Variants in RIF1 observed in about 807,000 individuals in gnomAD.
The protein encoded by RIF1 is replication timing regulatory factor 1.
RIF1 carries 45 observed loss-of-function variants against 247.1 expected under a neutral mutation model. The observed-to-expected ratio is 0.18, with a 90% CI of 0.14 to 0.23. The LOEUF is 0.23. Ranked by LOEUF, RIF1 falls within the 10% of genes least tolerant of loss-of-function variation. RIF1 has a pLI of 1.00. For synonymous variants in RIF1, 1,087 were observed against 978.8 expected, an observed-to-expected ratio of 1.11 and a Z score of -2.06; for missense variants, 2,967 against 2,862.5, an observed-to-expected ratio of 1.04 and a Z score of -0.83.
chr2:151,526,586 G>A, the RIF1 span, among the ~76,000 whole-genome samples: 3 of 152,186 alleles, frequency 2.0e-5, no homozygotes, highest in Non-Finnish European at 4.4e-5. Context: ...GGAGGAAACT[G>A]TAGTGAAGGG....
intron 15 of RIF1, 34 bp from the exon 16 acceptor site, chr2:151,441,871 G>T (rs1692351517): frequency 2.0e-6 from 2 of 987,228 alleles, no homozygotes; most frequent in South Asian, 1.5e-5. Context: ...TATTTTTACG[G>T]CTAATTTACT....
chr2:151,448,617 C>T (rs936921409), intron 20 of RIF1, among the ~76,000 whole-genome samples: 6 of 152,316 alleles, frequency 3.9e-5, no homozygotes, highest in African/African-American at 1.2e-4. Context: ...TTACACTACC[C>T]ATGAGGTTTC....
Position 151,464,851 on chromosome 2 carries a change from T to A in RIF1, c.5331T>A (p.Ser1777=). 1 of 1,607,154 alleles carries A rather than the reference T, an allele frequency of 6.2e-7. No homozygotes were observed. The highest frequency in any genetic ancestry group is 8.5e-7 in the Non-Finnish European group (1 of 1,178,290). Residue 1777 remains serine (S), a synonymous_variant, in exon 30 of 36, where the codon TCT becomes TCA. Coordinates refer to ENST00000444746, the MANE Select transcript of RIF1 (RefSeq NM_018151.5). The part of the protein sequence containing the change: ...VQAPVSPSET[S]QANPYSEGQF... ...CACCTGTAAGCCCATCAGAAACTTCTCAAGCTAATCCATATTCTGAAGGAC... is the reference window on the plus strand; with the variant it reads ...CACCTGTAAGCCCATCAGAAACTTCACAAGCTAATCCATATTCTGAAGGAC...
chr2:151,519,855 A>T, the RIF1 span: 1 of 844,264 alleles, frequency 1.2e-6, no homozygotes, highest in Non-Finnish European at 2.0e-6. Context: ...ATGCCAAAGA[A>T]TATGCATTGT....
chr2:151,512,005 G>A (rs1329313186), downstream of RIF1, among the ~76,000 whole-genome samples: 1 of 145,908 alleles, frequency 6.9e-6, no homozygotes, highest in Non-Finnish European at 1.5e-5. Flanking sequence ...TGCATCATAG[G>A]TTACCCTCTC....
chr2:151,503,908 A>T (rs1174531734), intron 12 of RIF1, among the ~76,000 whole-genome samples: 3 of 152,136 alleles, frequency 2.0e-5, no homozygotes, highest in Non-Finnish European at 2.9e-5. Context: ...GCTGGCTCCT[A>T]ATCTGTAGGA....
chr2:151,416,504 T>G (rs971140166), intron 4 of RIF1, 57 bp from the exon 5 acceptor site: 27 of 1,433,076 alleles, frequency 1.9e-5, no homozygotes, highest in Non-Finnish European at 2.6e-5. Context: ...GTTTTATATT[T>G]GAGACTTTAA....
At chr2:151,506,296 A>G (rs1245034019) in exon 13 of RIF1, 2 of 1,477,978 alleles carry the variant, frequency 1.4e-6, no homozygotes, top group Non-Finnish European at 1.9e-6. Context: ...AACACAGAAG[A>G]AAAGAAAACC....
intron 12 of RIF1, among the ~76,000 whole-genome samples, chr2:151,505,107 C>T (rs541189135): frequency 1.3e-5 from 2 of 152,268 alleles, no homozygotes; most frequent in Admixed American, 1.3e-4. Flanking sequence ...TGTTATACTA[C>T]TTATATGTTT....
At chr2:151,418,216 T>C (rs1196612547) in intron 6 of RIF1, among the ~76,000 whole-genome samples, 2 of 152,214 alleles carry the variant, frequency 1.3e-5, no homozygotes, top group Non-Finnish European at 2.9e-5. Flanking sequence ...TCTGTAACTT[T>C]ATTTTTTTGA....
At position 151,463,574 on chromosome 2, in the gene RIF1, C is replaced by T. The variant is rs770734750; in HGVS notation, c.4054C>T (p.His1352Tyr). Residue 1352 changes from histidine (H) to tyrosine (Y), a missense_variant, in exon 30 of 36, where the codon CAT becomes TAT. Around this residue, in one of 7 missense-constraint regions of RIF1, gnomAD observed 2,028 missense variants for 1,825.6 expected, o/e 1.11. Transcript: ENST00000444746. ...QVHLSESTME[H>Y]DNTKLKAATV... ...TCATCTTTCTGAATCTACAATGGAGCATGACAATACAAAGCTTAAAGCAGC... is the reference window on the plus strand; with the variant it reads ...TCATCTTTCTGAATCTACAATGGAGTATGACAATACAAAGCTTAAAGCAGC... The T allele has an allele frequency of 1.2e-6, 2 of 1,613,792 alleles. No individual in the cohort carries two copies. The highest frequency in any genetic ancestry group is 8.5e-7 in the Non-Finnish European group (1 of 1,179,956).
downstream of RIF1, among the ~76,000 whole-genome samples, chr2:151,487,045 TTGTG>T (rs568565482): frequency 2.3e-4 from 35 of 151,722 alleles, no homozygotes; most frequent in South Asian, 6.4e-4. Context: ...ATGCATGAAA[TTGTG>T]TGTGTGTGCG....
In RIF1 at chr2:151,420,360, C is replaced by T. The variant is rs776636521; in HGVS notation, c.674C>T (p.Thr225Met). The T allele has an allele frequency of 1.2e-5, 19 of 1,613,910 alleles. No individual in the cohort carries two copies. Among genetic ancestry groups the T allele is most frequent in the South Asian group, 4.4e-5 (4 of 91,076 alleles). ...AAACAGCAAGAAATAGCATCTATTA[C>T]GGAGCAGCTTATGACTACTGTGAGT... is the stretch of plus-strand genomic sequence containing the variant. ...LQKQQEIASI[T>M]EQLMTTKLIS... Residue 225 changes from threonine (T) to methionine (M), a missense_variant, in exon 7 of 36, where the codon ACG becomes ATG. Physicochemically the swap from Thr to Met is moderately conservative, Grantham distance 81. Transcript: ENST00000444746.
At chr2:151,495,002 A>AT (rs1191046185) in intron 9 of RIF1, 1 of 152,248 alleles carries the variant, frequency 6.6e-6, no homozygotes, top group Non-Finnish European at 1.5e-5. Flanking sequence ...TCTCATAGAC[A>AT]TATCAGTAAA....
chr2:151,422,357 G>C (rs182307014), intron 7 of RIF1, among the ~76,000 whole-genome samples: 13 of 152,106 alleles, frequency 8.5e-5, no homozygotes, highest in African/African-American at 2.6e-4. Context: ...TTGGATTGAT[G>C]GATGGTAGGA....
intron 18 of RIF1, among the ~76,000 whole-genome samples, chr2:151,443,973 G>A (rs959649791): frequency 1.3e-5 from 2 of 152,124 alleles, no homozygotes; most frequent in Non-Finnish European, 2.9e-5. Flanking sequence ...GTAAATTCTT[G>A]TATCTTGGAT....
rs1385700108 is a variant in RIF1, at chr2:151,458,758, TGTTCACCA to T, written c.2856-50_2856-43del. On this transcript the variant is annotated intron_variant, in intron 24 of 35. Coordinates refer to ENST00000444746, the MANE Select transcript of RIF1 (RefSeq NM_018151.5). ...AGTGCTGTTGTTAACAGATCATCAG[TGTTCACCA>T]GTACTACTTGACTTAAGGTATATAT... 1.1e-4 allele frequency: 108 copies of T among 956,086 alleles called. No homozygotes were observed. The East Asian group carries it at 2.7e-3, about 24-fold the overall frequency. 59.2% of individuals were successfully genotyped at this position (956,086 alleles called of 1,614,324 possible).
chr2:151,524,868 A>G, the RIF1 span, among the ~76,000 whole-genome samples: 1 of 151,670 alleles, frequency 6.6e-6, no homozygotes, highest in Non-Finnish European at 1.5e-5. Flanking sequence ...GGGTTTCACC[A>G]TATTGGCCAG....
chr2:151,416,495 T>A (rs1454866009), intron 4 of RIF1, 66 bp from the exon 5 acceptor site: 43 of 1,373,216 alleles, frequency 3.1e-5, no homozygotes, highest in Non-Finnish European at 3.7e-5. Flanking sequence ...TTTTCTCTAG[T>A]TTTATATTTG....
Sources: allele counts gnomAD v4.1 joint callset (sites outside exome capture counted in the v4.1 genomes callset), GRCh38; gene constraint gnomAD v4.1.1; regional missense constraint gnomAD v4.1.1; transcripts MANE v1.5; gene names NCBI Gene and HGNC (gene_info 2026-07-23, HGNC 2026-07-21).